TTC5: variants seen among roughly 807,000 people sequenced by gnomAD.
TTC5 encodes tetratricopeptide repeat protein 5.
TTC5 carries 46 observed loss-of-function variants against 57.4 expected under a neutral mutation model. That is an observed-to-expected ratio of 0.80 (90% confidence interval 0.63 to 1.03). The LOEUF (loss-of-function observed/expected upper bound fraction) is 1.03, where lower values mean the gene tolerates loss of function less well. TTC5 is among the 50% of genes least tolerant of loss of function. The pLI, the probability that TTC5 is intolerant of heterozygous loss-of-function variation, is 0.00. For missense variants in TTC5, 504 were observed against 528.1 expected (o/e 0.95, Z 0.45); for synonymous variants, 190 against 203.5 (o/e 0.93, Z 0.57).
chr14:20,300,890 A>G, intron 2 of TTC5, 72 bp from the exon 3 acceptor site: 1 of 1,192,616 alleles, frequency 8.4e-7, no homozygotes. Flanking sequence ...CTCAAAAAAT[A>G]ACTACACGTC....
At chr14:20,296,518 ACGC>A (rs944686509) in intron 5 of TTC5, 72 bp from the exon 6 acceptor site, 1 of 1,168,026 alleles carries the variant, frequency 8.6e-7, no homozygotes, top group Non-Finnish European at 1.3e-6. Flanking sequence ...AACATGTCCT[ACGC>A]CTCCTCTTTC....
At chr14:20,297,278 A>C (rs1307301433) in intron 5 of TTC5, among the ~76,000 whole-genome samples, 2 of 152,210 alleles carry the variant, frequency 1.3e-5, no homozygotes, top group African/African-American at 4.8e-5. Flanking sequence ...GATAAAATAG[A>C]TGGCCAGACA....
In TTC5 at chr14:20,295,329, T is replaced by C. The variant is rs1882036871; in HGVS notation, c.1041A>G (p.Thr347=). The change falls in exon 8 of 10, where the codon ACA becomes ACG. Residue 347 remains threonine (T), a synonymous_variant. Transcript: ENST00000258821. Reference sequence around the variant, plus strand: ...AAACTCACAAGGGGACTTTCTCCTCTGTGGTGAGGCTAAATACCACCTTTC... The same window carrying C: ...AAACTCACAAGGGGACTTTCTCCTCCGTGGTGAGGCTAAATACCACCTTTC... The part of the protein sequence containing the change: ...ILGKVVFSLT[T]EEKVPFTFGL... 2 of 1,614,196 alleles carry C rather than the reference T, an allele frequency of 1.2e-6. No individual in the cohort carries two copies.
intron 9 of TTC5, among the ~76,000 whole-genome samples, chr14:20,291,498 TA>T (rs1881952195): frequency 6.6e-6 from 1 of 152,228 alleles, no homozygotes; most frequent in Non-Finnish European, 1.5e-5. Context: ...GCAAGGCAGG[TA>T]ATAAAAACTC....
At chr14:20,299,035 T>C (rs1882126414) in intron 4 of TTC5, 147 bp from the exon 5 acceptor site, 2 of 735,456 alleles carry the variant, frequency 2.7e-6, no homozygotes, top group South Asian at 1.8e-5. Flanking sequence ...AAAACTCCAC[T>C]AGGATAGAGC....
In TTC5 at chr14:20,301,830, T is replaced by TA. The variant is rs1281248697; in HGVS notation, c.184+2dup. 6.2e-7 allele frequency: 1 copy of TA among 1,613,984 alleles called. No homozygotes were observed. The highest frequency in any genetic ancestry group is 1.1e-5 in the South Asian group (1 of 91,076). On this transcript the variant is annotated splice_region_variant and intron_variant, in intron 2 of 9. Coordinates refer to ENST00000258821, the MANE Select transcript of TTC5 (RefSeq NM_138376.3). ...GGGGTTGTACAATCTCTAGGGCTCA[T>TA]ACCCACTACTTCTTCCATCTGCTGT...
At position 20,292,227 on chromosome 14, in the gene TTC5, G is replaced by T. The variant is rs375168185; in HGVS notation, c.1059-100C>A. The T allele has an allele frequency of 5.4e-4, 424 of 789,230 alleles. 2 individuals carry two copies. The South Asian group carries it at 0.013, about 24-fold the overall frequency. 48.9% of individuals were successfully genotyped at this position (789,230 alleles called of 1,614,324 possible). On this transcript the variant is annotated intron_variant, in intron 8 of 9. Transcript: ENST00000258821. ...GTTTAAAAATACTAGCAAAATACTG[G>T]ACTTAAAGTCAGTGACAGGTAATTA...
chr14:20,300,524 A>G, intron 3 of TTC5, 83 bp downstream of exon 3: 3 of 1,225,974 alleles, frequency 2.4e-6, no homozygotes, highest in South Asian at 1.4e-5. Flanking sequence ...CTACTCTGGT[A>G]TTCATGTCCT....
Position 20,295,665 on chromosome 14 carries a change from T to C in TTC5, c.843+43A>G, listed in dbSNP as rs1051395935. The stretch of plus-strand genomic sequence containing the variant: ...CTTATTTTATTGACCCACGACAAAA[T>C]AAAAAAAAAAAAAGTGGAATTCAGC... On this transcript the variant is annotated intron_variant, in intron 7 of 9. Transcript: ENST00000258821. The C allele has an allele frequency of 3.7e-6, 3 of 813,578 alleles. No individual in the cohort carries two copies. In the African/African-American group the frequency reaches 5.7e-5, roughly 15 times the overall value. The allele number at this position is 813,578 out of a possible 1,614,324, so 50.4% of individuals were successfully genotyped here.
Position 20,289,298 on chromosome 14 carries a change from G to A in TTC5, c.*329C>T, listed in dbSNP as rs920471439. 1.0e-5 allele frequency: 2 copies of A among 200,986 alleles called. No homozygotes were observed. The highest frequency in any genetic ancestry group is 4.6e-5 in the African/African-American group (2 of 43,834). The allele number at this position is 200,986 out of a possible 1,614,324, so 12.5% of individuals were successfully genotyped here. On this transcript the variant is annotated 3_prime_UTR_variant, in exon 10 of 10. Coordinates refer to ENST00000258821, the MANE Select transcript of TTC5 (RefSeq NM_138376.3). ...ACTGATATATACATATGAGGCTTAGGAAGGAGGCAACAACAGGAACCTTGG... is the reference window on the plus strand; with the variant it reads ...ACTGATATATACATATGAGGCTTAGAAAGGAGGCAACAACAGGAACCTTGG...
intron 1 of TTC5, 29 bp downstream of exon 1, chr14:20,305,858 C>T (rs1157974897): frequency 1.9e-6 from 3 of 1,611,394 alleles, no homozygotes; most frequent in Non-Finnish European, 2.5e-6. Context: ...GTAACAAAAA[C>T]ACATACAGAA....
In TTC5 at chr14:20,292,120, C is replaced by A. The variant is rs1210176474; in HGVS notation, c.1066G>T (p.Gly356Cys). ...CAAGGTCCATCTGAATCTACCAGGC[C>A]AAATGTACTACCAAGTAAAGACAGA... ...TTEEKVPFTF[G>C]LVDSDGPCYA... Residue 356 changes from glycine (G) to cysteine (C), a missense_variant, in exon 9 of 10, where the codon GGC becomes TGC. Transcript: ENST00000258821. 1.3e-6 allele frequency: 2 copies of A among 1,566,942 alleles called. No homozygotes were observed. The highest frequency in any genetic ancestry group is 2.3e-5 in the East Asian group (1 of 42,716).
At position 20,301,883 on chromosome 14, in the gene TTC5, TCC is replaced by T. The variant is rs779864677; in HGVS notation, c.132_133del (p.Asp45CysfsTer38). ...GGTTTTCTCCATCTCCTTCTGCACA[TCC>T]TGTTGCTTCCTCCCAGCATCCTCAA... is the stretch of plus-strand genomic sequence containing the variant. On this transcript the variant is annotated frameshift_variant, in exon 2 of 10. Coordinates refer to ENST00000258821, the MANE Select transcript of TTC5 (RefSeq NM_138376.3). LOFTEE classifies it high-confidence loss of function. 1 of 1,614,066 alleles carries T rather than the reference TCC, an allele frequency of 6.2e-7. No homozygotes were observed. Among genetic ancestry groups the T allele is most frequent in the South Asian group, 1.1e-5 (1 of 91,080 alleles).
intron 1 of TTC5, among the ~76,000 whole-genome samples, chr14:20,304,752 G>T (rs150475049): frequency 0.011 from 1,634 of 152,242 alleles, 27 homozygotes; most frequent in South Asian, 0.057. Flanking sequence ...TTTTAGAGAA[G>T]GGCTTATTGA....
intron 8 of TTC5, 50 bp downstream of exon 8, chr14:20,295,262 G>C (rs750684784): frequency 1.0e-5 from 16 of 1,546,994 alleles, no homozygotes; most frequent in African/African-American, 1.4e-5. Context: ...CAGGAAGTGA[G>C]AGCAATTAGT....
chr14:20,299,315 T>C lies in TTC5; in HGVS notation c.530A>G (p.His177Arg), dbSNP rs763037053. ...QAKLAVQMDV[H>R]DGRSWYILGN... ...GCACTCACACCAGGAGCGGCCATCA[T>C]GGACATCCATCTGAACAGCCAACTT... The change falls in exon 4 of 10, where the codon CAT (histidine) becomes CGT (arginine). Residue 177 changes from histidine to arginine, a missense_variant. Physicochemically the swap from His to Arg is conservative, Grantham distance 29. Coordinates refer to ENST00000258821, the MANE Select transcript of TTC5 (RefSeq NM_138376.3). 3.7e-6 allele frequency: 6 copies of C among 1,613,914 alleles called. No individual in the cohort carries two copies. Among genetic ancestry groups the C allele is most frequent in the South Asian group, 2.2e-5 (2 of 91,080 alleles).
intron 3 of TTC5, 79 bp downstream of exon 3, chr14:20,300,528 A>G (rs1252315792): frequency 1.6e-6 from 2 of 1,270,098 alleles, no homozygotes; most frequent in Admixed American, 2.3e-5. Context: ...TCTGGTATTC[A>G]TGTCCTAGGG....
intron 8 of TTC5, chr14:20,294,293 G>T (rs1366044304): frequency 6.6e-6 from 1 of 152,216 alleles, no homozygotes; most frequent in Middle Eastern, 3.2e-3. Flanking sequence ...AGAAACCAAG[G>T]AGTGGCAAAA....
rs1566386469 is a variant in TTC5, at chr14:20,286,325, A to G, written c.*3302T>C. The stretch of plus-strand genomic sequence containing the variant: ...AAGAAGACAACCCAATAAAAATTGG[A>G]CAAAAGAAAACAGAGATTTCATAGA... On this transcript the variant is annotated 3_prime_UTR_variant, in exon 10 of 10. Coordinates refer to ENST00000258821, the MANE Select transcript of TTC5 (RefSeq NM_138376.3). 1.3e-5 allele frequency: 2 copies of G among 152,184 alleles called. No homozygotes were observed. The allele number at this position is 152,184 out of a possible 1,614,324, so 9.4% of individuals were successfully genotyped here. A position where few individuals can be genotyped will look rare whatever the true frequency, so the allele number is the denominator to read the frequency against.
Sources: gnomAD v4.1 joint callset for allele counts (sites outside exome capture counted in the v4.1 genomes callset) on GRCh38, gnomAD v4.1.1 for gene constraint, MANE v1.5 for transcripts, NCBI Gene and HGNC (gene_info 2026-07-23, HGNC 2026-07-21) for gene names.